MED13L: variants seen among roughly 807,000 people sequenced by gnomAD.
MED13L encodes the protein mediator complex subunit 13L, also known as mediator of RNA polymerase II transcription subunit 13-like.
In MED13L, 7 loss-of-function variants were observed where a neutral mutation model predicts 220.9. That is an observed-to-expected ratio of 0.03 (90% CI 0.02 to 0.06). MED13L has a LOEUF of 0.06. Ranked by LOEUF, MED13L falls within the 10% of genes least tolerant of loss-of-function variation. MED13L has a pLI of 1.00. For missense variants in MED13L, 1,965 were observed against 2,760.5 expected (o/e 0.71, Z 6.46); for synonymous variants, 1,011 against 1,015.2 (o/e 1.00, Z 0.08).
intron 4 of MED13L, among the ~76,000 whole-genome samples, chr12:116,079,115 T>C (rs532367164): frequency 2.6e-5 from 4 of 152,358 alleles, no homozygotes; most frequent in South Asian, 2.1e-4. Flanking sequence ...CTTTAAAATA[T>C]AGTCATTTTA....
intron 2 of MED13L, among the ~76,000 whole-genome samples, chr12:116,225,977 G>T (rs1868942947): frequency 6.6e-6 from 1 of 151,382 alleles, no homozygotes; most frequent in Non-Finnish European, 1.5e-5. Context: ...ACAGATTTAT[G>T]AACACTCTAA....
intron 4 of MED13L, among the ~76,000 whole-genome samples, chr12:116,076,666 T>C (rs1162317974): frequency 6.6e-6 from 1 of 152,194 alleles, no homozygotes; most frequent in African/African-American, 2.4e-5. Flanking sequence ...TGAATCACCA[T>C]AATATTGTGA....
chr12:116,074,132 T>C (rs1454967890), intron 4 of MED13L, among the ~76,000 whole-genome samples: 4 of 152,234 alleles, frequency 2.6e-5, no homozygotes, highest in Non-Finnish European at 2.9e-5. Flanking sequence ...TGGTGGCTCA[T>C]GCCTGTAATC....
At chr12:116,029,699 C>T (rs1880612362) in intron 4 of MED13L, among the ~76,000 whole-genome samples, 2 of 152,084 alleles carry the variant, frequency 1.3e-5, no homozygotes, top group Non-Finnish European at 1.5e-5. Context: ...CAATCATGAA[C>T]ATGTACACAG....
At chr12:116,071,328 G>C (rs918316657) in intron 4 of MED13L, among the ~76,000 whole-genome samples, 1 of 152,154 alleles carries the variant, frequency 6.6e-6, no homozygotes, top group Non-Finnish European at 1.5e-5. Flanking sequence ...GGTGTTTCAA[G>C]AAAGAAATGT....
At chr12:116,014,258 T>C (rs1369482249) in intron 8 of MED13L, among the ~76,000 whole-genome samples, 2 of 152,214 alleles carry the variant, frequency 1.3e-5, no homozygotes, top group Non-Finnish European at 2.9e-5. Flanking sequence ...TTAAGAAACA[T>C]TTCATTGGCT....
At chr12:116,142,702 T>TA (rs902605553) in intron 2 of MED13L, among the ~76,000 whole-genome samples, 12 of 147,392 alleles carry the variant, frequency 8.1e-5, no homozygotes, top group East Asian at 4.0e-4. Context: ...AAAATAAAAG[T>TA]AAAAAAAAAA....
chr12:115,991,166 C>A lies in MED13L; in HGVS notation c.3788G>T (p.Arg1263Leu). ...GTAATCATTATTATCTGCTTGCACC[C>A]GGTCATAACTCCAGCTTACACAGGG... is the stretch of plus-strand genomic sequence containing the variant. ...TLPCVSWSYD[R>L]VQADNNDYWT... The change falls in exon 17 of 31, where the codon CGG (arginine) becomes CTG (leucine). Residue 1263 changes from arginine (R) to leucine (L), a missense_variant. Physicochemically the swap from Arg to Leu is moderately radical, Grantham distance 102. Coordinates refer to ENST00000281928, the MANE Select transcript of MED13L (RefSeq NM_015335.5). The surrounding 1 kb of genome is among the most constrained non-coding windows in gnomAD (Gnocchi z 7.7). 6.2e-7 allele frequency: 1 copy of A among 1,614,132 alleles called. No individual in the cohort carries two copies. The highest frequency in any genetic ancestry group is 1.1e-5 in the South Asian group (1 of 91,080).
chr12:116,173,707 C>T (rs912385071), intron 2 of MED13L, among the ~76,000 whole-genome samples: 1 of 152,000 alleles, frequency 6.6e-6, no homozygotes, highest in Non-Finnish European at 1.5e-5. Context: ...ACATAAGTTG[C>T]CTTAATTTAT....
chr12:116,203,847 G>A (rs1267364266), intron 2 of MED13L, among the ~76,000 whole-genome samples: 1 of 152,026 alleles, frequency 6.6e-6, no homozygotes, highest in East Asian at 1.9e-4. Context: ...AAAAAGACAA[G>A]AGTGAAAAGT....
chr12:116,023,290 CT>C (rs1473971661), intron 4 of MED13L, among the ~76,000 whole-genome samples: 4 of 152,092 alleles, frequency 2.6e-5, no homozygotes, highest in Admixed American at 6.5e-5. Flanking sequence ...AGCAAGACCC[CT>C]GTCTCAAAAA....
rs57877420 is a variant in MED13L at position 115,968,053 on chromosome 12, T to TCCCCCC, written c.6225+881_6225+886dup. On this transcript the variant is annotated intron_variant, in intron 28 of 30. Coordinates refer to ENST00000281928, the MANE Select transcript of MED13L (RefSeq NM_015335.5). Reference sequence around the variant, plus strand: ...ATAAATTCAGTGCTGGGAATAAAAGTCCCCCCCCCCCCCCGATGAAAACTG... The same window carrying TCCCCCC: ...ATAAATTCAGTGCTGGGAATAAAAGTCCCCCCCCCCCCCCCCCCCCGATGAAAACTG... Among the ~76,000 whole-genome samples the TCCCCCC allele has an allele frequency of 4.9e-5, 2 of 40,606 alleles. 1 individual carries two copies. The highest frequency in any genetic ancestry group is 1.7e-4 in the African/African-American group (2 of 11,544). The allele number at this position is 40,606 out of a possible 152,430, so 26.6% of individuals were successfully genotyped here. A position where few individuals can be genotyped will look rare whatever the true frequency, so the allele number is the denominator to read the frequency against.
intron 2 of MED13L, among the ~76,000 whole-genome samples, chr12:116,179,922 G>C (rs1311895854): frequency 1.3e-5 from 2 of 152,100 alleles, no homozygotes; most frequent in Non-Finnish European, 2.9e-5. Context: ...GTAACTACCT[G>C]AAAGAACTGT....
chr12:116,173,634 G>GC (rs1202957481), intron 2 of MED13L, among the ~76,000 whole-genome samples: 4 of 152,116 alleles, frequency 2.6e-5, no homozygotes, highest in Non-Finnish European at 1.5e-5. Flanking sequence ...TTAACATACT[G>GC]CAATTCCTTT....
chr12:116,071,811 T>C (rs1422003059), intron 4 of MED13L, among the ~76,000 whole-genome samples: 3 of 146,398 alleles, frequency 2.0e-5, no homozygotes, highest in African/African-American at 7.4e-5. Flanking sequence ...AACATTATTT[T>C]ATATGGGCAT....
At chr12:115,989,944 C>T (rs1436611419) in intron 17 of MED13L, among the ~76,000 whole-genome samples, 4 of 152,132 alleles carry the variant, frequency 2.6e-5, no homozygotes, top group African/African-American at 9.7e-5. Context: ...GTTATTTTTC[C>T]TTTTTAACTA....
intron 23 of MED13L, among the ~76,000 whole-genome samples, chr12:115,980,249 T>C (rs369695187): frequency 1.3e-5 from 2 of 152,242 alleles, no homozygotes; most frequent in African/African-American, 4.8e-5. Flanking sequence ...AAGAATTTGC[T>C]TGCCTCTCTT....
At chr12:115,978,001 T>A (rs1276491797) in intron 23 of MED13L, among the ~76,000 whole-genome samples, 2 of 150,888 alleles carry the variant, frequency 1.3e-5, no homozygotes, top group East Asian at 3.9e-4. Context: ...GCCTCAAAAA[T>A]AAAAATAAAA....
At chr12:116,047,218 G>A (rs1409908906) in intron 4 of MED13L, among the ~76,000 whole-genome samples, 1 of 152,118 alleles carries the variant, frequency 6.6e-6, no homozygotes, top group Non-Finnish European at 1.5e-5. Context: ...GCCAGGCCTG[G>A]TAGCGCATGC....
Sources: allele counts gnomAD v4.1 joint callset (sites outside exome capture counted in the v4.1 genomes callset), GRCh38; gene constraint gnomAD v4.1.1; non-coding constraint Gnocchi (gnomAD v3.1); transcripts MANE v1.5; gene names NCBI Gene and HGNC (gene_info 2026-07-23, HGNC 2026-07-21).